The following STARD4 variants were observed in gnomAD, a reference collection of about 807,000 sequenced individuals.
STARD4 encodes StAR related lipid transfer domain containing 4.
A neutral mutation model predicts 24.9 loss-of-function variants in STARD4; 33 were observed. That is an observed-to-expected ratio of 1.32 (90% confidence interval 1.00 to 1.77). STARD4 has a LOEUF of 1.77. Ranked by LOEUF, STARD4 falls within the 40% of genes most tolerant of loss-of-function variation. The pLI is 0.00. For synonymous variants in STARD4, 88 were observed against 77.4 expected, an observed-to-expected ratio of 1.14 and a Z score of -0.72; for missense variants, 238 against 249.3, an observed-to-expected ratio of 0.95 and a Z score of 0.31.
In STARD4 at chr5:111,507,790, GT is replaced by G. The variant is rs1344203590; in HGVS notation, c.-9-349del. Reference sequence around the variant, plus strand: ...CAAACATTTACCTCCAGTCCTCTTTGTTTCAATGAGCTCAAAAATCCCAGAT... The same window carrying G: ...CAAACATTTACCTCCAGTCCTCTTTGTTCAATGAGCTCAAAAATCCCAGAT... On this transcript the variant is annotated intron_variant, in intron 1 of 5. Transcript: ENST00000296632. The surrounding 1 kb of genome is among the most constrained non-coding windows in gnomAD (Gnocchi z 4.4). Among the ~76,000 whole-genome samples the G allele has an allele frequency of 6.6e-6, 1 of 152,076 alleles. No individual in the cohort carries two copies. The highest frequency in any genetic ancestry group is 2.4e-5 in the African/African-American group (1 of 41,416).
Position 111,499,657 on chromosome 5 carries a change from TG to T in STARD4, c.*228del. ...GTGATCATACCACTGCCCTCCAGCATGGGCAACAGAGTGAGAGCCTGTCTCA... is the reference window on the plus strand; with the variant it reads ...GTGATCATACCACTGCCCTCCAGCATGGCAACAGAGTGAGAGCCTGTCTCA... On this transcript the variant is annotated 3_prime_UTR_variant, in exon 6 of 6. Transcript: ENST00000296632. 1 of 515,842 alleles carries T rather than the reference TG, an allele frequency of 1.9e-6. No homozygotes were observed. Among genetic ancestry groups the T allele is most frequent in the Non-Finnish European group, 3.5e-6 (1 of 288,710 alleles). 32.0% of individuals were successfully genotyped at this position (515,842 alleles called of 1,614,324 possible).
intron 3 of STARD4, among the ~76,000 whole-genome samples, chr5:111,504,173 C>G (rs535227370): frequency 6.6e-6 from 1 of 152,086 alleles, no homozygotes; most frequent in African/African-American, 2.4e-5. Context: ...TCCCTAAGAC[C>G]CAAAGAAAAT....
chr5:111,496,167 T>G lies in STARD4; in HGVS notation c.*3719A>C, dbSNP rs1756081661. 6.6e-6 allele frequency: 1 copy of G among 152,044 alleles called. No homozygotes were observed. The highest frequency in any genetic ancestry group is 1.5e-5 in the Non-Finnish European group (1 of 67,952). 9.4% of individuals were successfully genotyped at this position (152,044 alleles called of 1,614,324 possible). Reference sequence around the variant, plus strand: ...CATATTGGTTCACAAAAGAATTATATAAACTTCTTAAAAATAAAATCTATA... The same window carrying G: ...CATATTGGTTCACAAAAGAATTATAGAAACTTCTTAAAAATAAAATCTATA... On this transcript the variant is annotated 3_prime_UTR_variant, in exon 6 of 6. Coordinates refer to ENST00000296632, the MANE Select transcript of STARD4 (RefSeq NM_139164.3).
At chr5:111,508,183 T>G (rs1162411392) in intron 1 of STARD4, among the ~76,000 whole-genome samples, 1 of 152,160 alleles carries the variant, frequency 6.6e-6, no homozygotes, top group Non-Finnish European at 1.5e-5. Flanking sequence ...TACTATTACA[T>G]CGTTATTTTC....
In STARD4 at chr5:111,507,971, T is replaced by G. The variant is rs1433709784; in HGVS notation, c.-9-529A>C. Among the ~76,000 whole-genome samples the G allele has an allele frequency of 2.6e-5, 4 of 152,176 alleles. No homozygotes were observed. Among genetic ancestry groups the G allele is most frequent in the Non-Finnish European group, 5.9e-5 (4 of 68,012 alleles). ...TCAAAAGGCTTGGAATTGCCCTTAA[T>G]AAGAATAGGTTCCTTTTAACACCAT... On this transcript the variant is annotated intron_variant, in intron 1 of 5. Coordinates refer to ENST00000296632, the MANE Select transcript of STARD4 (RefSeq NM_139164.3). This position sits in a 1 kb window ranked among gnomAD's most constrained non-coding sequence, Gnocchi z 4.4.
chr5:111,511,179 G>C (rs1235682819), intron 1 of STARD4, among the ~76,000 whole-genome samples: 1 of 151,886 alleles, frequency 6.6e-6, no homozygotes, highest in African/African-American at 2.4e-5. Context: ...TTTTGAGACT[G>C]GCTCTGGCAG....
chr5:111,496,575 A>G lies in STARD4; in HGVS notation c.*3311T>C, dbSNP rs1561529779. On this transcript the variant is annotated 3_prime_UTR_variant, in exon 6 of 6. Coordinates refer to ENST00000296632, the MANE Select transcript of STARD4 (RefSeq NM_139164.3). ...AAGAGTTAAAGCTTTTATTTGTATG[A>G]AAGGCAATTACTCAGCCCTAAAAGC... The G allele has an allele frequency of 6.6e-6, 1 of 152,170 alleles. No homozygotes were observed. The highest frequency in any genetic ancestry group is 2.4e-5 in the African/African-American group (1 of 41,456). 9.4% of individuals were successfully genotyped at this position (152,170 alleles called of 1,614,324 possible).
chr5:111,510,390 G>A (rs531392122), intron 1 of STARD4, among the ~76,000 whole-genome samples: 1 of 152,306 alleles, frequency 6.6e-6, no homozygotes, highest in Admixed American at 6.5e-5. Flanking sequence ...CAACTGTGGA[G>A]AATGTCAGGT....
chr5:111,506,331 G>T lies in STARD4; in HGVS notation c.154C>A (p.Leu52Ile), dbSNP rs1167154674. Residue 52 changes from leucine (L) to isoleucine (I), a missense_variant and splice_region_variant, in exon 3 of 6, where the codon CTC becomes ATC. Leu to Ile is a conservative substitution (Grantham distance 5). Coordinates refer to ENST00000296632, the MANE Select transcript of STARD4 (RefSeq NM_139164.3). ...RKPSEEFNGYLYKAQGVIDDL... is the reference protein window; with the variant it reads ...RKPSEEFNGYIYKAQGVIDDL... ...GTAAGTCTATAAAAAGTTACTTACA[G>T]ATATCCATTAAATTCTTCTGAGGGT... 6.7e-7 allele frequency: 1 copy of T among 1,486,568 alleles called. No homozygotes were observed. 92.1% of individuals were successfully genotyped at this position (1,486,568 alleles called of 1,614,324 possible). A position where few individuals can be genotyped will look rare whatever the true frequency, so the allele number is the denominator to read the frequency against.
rs776375786 is a variant in STARD4 at position 111,502,027 on chromosome 5, C to T, written c.217G>A (p.Gly73Arg). 4 of 1,614,020 alleles carry T rather than the reference C, an allele frequency of 2.5e-6. No individual in the cohort carries two copies. The change falls in exon 4 of 6, where the codon GGG (glycine) becomes AGG (arginine). Residue 73 changes from glycine (G) to arginine (R), a missense_variant. Gly to Arg is a moderately radical substitution (Grantham distance 125, BLOSUM62 -2). Coordinates refer to ENST00000296632, the MANE Select transcript of STARD4 (RefSeq NM_139164.3). ...VYSIIDHIRPGPCRLDWDSLM... is the reference protein window; with the variant it reads ...VYSIIDHIRPRPCRLDWDSLM... ...CTGTCCCAATCCAAACGACAAGGCCCTGGGCGTATATGGTCTATTATACTA... is the reference window on the plus strand; with the variant it reads ...CTGTCCCAATCCAAACGACAAGGCCTTGGGCGTATATGGTCTATTATACTA...
chr5:111,509,288 A>C (rs1757079218), intron 1 of STARD4, among the ~76,000 whole-genome samples: 1 of 152,180 alleles, frequency 6.6e-6, no homozygotes, highest in Admixed American at 6.5e-5. Flanking sequence ...GTATTTATGC[A>C]AAACTTTTTG....
intron 3 of STARD4, 38 bp from the exon 4 acceptor site, chr5:111,502,126 A>T (rs759536362): frequency 1.9e-6 from 3 of 1,597,824 alleles, no homozygotes. Context: ...CTGTTACAAT[A>T]AAAAAATTTC....
At position 111,500,040 on chromosome 5, in the gene STARD4, C is replaced by T; in HGVS notation, c.464G>A (p.Trp155Ter). The stretch of plus-strand genomic sequence containing the variant: ...GTTGTCTTTAAGTGGAACACAAAAC[C>T]AACCACAGGGATGGTTATATCCTCG... ...FVRGYNHPCG[W>*]FCVPLKDNPN... is the part of the protein sequence containing the mutation. The change falls in exon 6 of 6, where the codon TGG becomes TAG. Residue 155 changes from tryptophan to a stop codon, truncating the protein, a stop_gained. Transcript: ENST00000296632. LOFTEE classifies it high-confidence loss of function. 1 of 1,614,108 alleles carries T rather than the reference C, an allele frequency of 6.2e-7. No homozygotes were observed.
At chr5:111,500,755 T>A in intron 5 of STARD4, 1 of 1,426,312 alleles carries the variant, frequency 7.0e-7, no homozygotes, top group Non-Finnish European at 9.1e-7. Context: ...GAGGCAGTCA[T>A]GTGATCCACA....
In STARD4 at chr5:111,507,887, C is replaced by T. The variant is rs1756981643; in HGVS notation, c.-9-445G>A. 6.6e-6 allele frequency among the ~76,000 whole-genome samples: 1 copy of T among 152,158 alleles called. No individual in the cohort carries two copies. Among genetic ancestry groups the T allele is most frequent in the Non-Finnish European group, 1.5e-5 (1 of 68,004 alleles). On this transcript the variant is annotated intron_variant, in intron 1 of 5. Coordinates refer to ENST00000296632, the MANE Select transcript of STARD4 (RefSeq NM_139164.3). The surrounding 1 kb of genome is among the most constrained non-coding windows in gnomAD (Gnocchi z 4.4). ...TCCCCTGGCTTCCCTCAATTTGTCA[C>T]AGTATTCCTCATTTTAACAATTTAC...
At position 111,502,018 on chromosome 5, in the gene STARD4, G is replaced by A. The variant is rs752789420; in HGVS notation, c.226C>T (p.Arg76Cys). ...GTCATCAAGCTGTCCCAATCCAAAC[G>A]ACAAGGCCCTGGGCGTATATGGTCT... The part of the protein sequence containing the change: ...IIDHIRPGPC[R>C]LDWDSLMTSL... Residue 76 changes from arginine (R) to cysteine (C), a missense_variant, in exon 4 of 6, where the codon CGT becomes TGT. Physicochemically the swap from Arg to Cys is radical, Grantham distance 180. Coordinates refer to ENST00000296632, the MANE Select transcript of STARD4 (RefSeq NM_139164.3). 12 of 1,613,928 alleles carry A rather than the reference G, an allele frequency of 7.4e-6. No homozygotes were observed. The highest frequency in any genetic ancestry group is 3.3e-5 in the Admixed American group (2 of 59,988).
intron 2 of STARD4, 129 bp from the exon 3 acceptor site, chr5:111,506,508 T>C (rs1263774458): frequency 7.1e-6 from 3 of 420,856 alleles, no homozygotes; most frequent in Non-Finnish European, 1.3e-5. Context: ...TCAGAATACA[T>C]AAAAGTCATC....
intron 3 of STARD4, among the ~76,000 whole-genome samples, chr5:111,503,498 G>A (rs1280390075): frequency 5.9e-5 from 9 of 151,996 alleles, no homozygotes; most frequent in South Asian, 2.1e-4. Flanking sequence ...GTGTGGTGGC[G>A]CATGCCTATA....
chr5:111,500,884 G>A (rs1412445275), intron 5 of STARD4, 118 bp downstream of exon 5: 19 of 1,590,576 alleles, frequency 1.2e-5, no homozygotes, highest in Non-Finnish European at 1.4e-5. Context: ...TGCAAAAAAT[G>A]TTAGTGATTA....
Sources: allele counts gnomAD v4.1 joint callset (sites outside exome capture counted in the v4.1 genomes callset), GRCh38; gene constraint gnomAD v4.1.1; non-coding constraint Gnocchi (gnomAD v3.1); transcripts MANE v1.5; gene names NCBI Gene and HGNC (gene_info 2026-07-23, HGNC 2026-07-21).